Variants in SSH1 observed in about 807,000 individuals in gnomAD.
SSH1 encodes slingshot protein phosphatase 1, also known as protein phosphatase Slingshot homolog 1.
A neutral mutation model predicts 79.7 loss-of-function variants in SSH1; 43 were observed. The ratio of observed to expected loss-of-function variants is 0.54; its 90% CI spans 0.42 to 0.70. The LOEUF (loss-of-function observed/expected upper bound fraction) is 0.70. Ranked by LOEUF, SSH1 falls within the 30% of genes least tolerant of loss-of-function variation. The probability of loss-of-function intolerance (pLI) is 0.00; values close to 1 mark genes in which losing one functional copy is unlikely to be tolerated. For missense variants in SSH1, 1,206 were observed against 1,358.8 expected (o/e 0.89, Z 1.77); for synonymous variants, 599 against 538.3 (o/e 1.11, Z -1.56).
rs2036135188 is a variant in SSH1 at position 108,780,463 on chromosome 12, A to G, written c.*7525T>C. The G allele has an allele frequency of 6.6e-6, 1 of 152,250 alleles. No individual in the cohort carries two copies. The highest frequency in any genetic ancestry group is 2.1e-4 in the South Asian group (1 of 4,832). The allele number at this position is 152,250 out of a possible 1,614,324, so 9.4% of individuals were successfully genotyped here. On this transcript the variant is annotated 3_prime_UTR_variant, in exon 15 of 15. Coordinates refer to ENST00000326495, the MANE Select transcript of SSH1 (RefSeq NM_018984.4). ...TAGGGTAGTGTGGGTGTTGTCTCCA[A>G]AAAGCATGTGTGCAATGTAATTAGC...
At chr12:108,830,782 G>T (rs2038453795) in intron 2 of SSH1, among the ~76,000 whole-genome samples, 1 of 152,100 alleles carries the variant, frequency 6.6e-6, no homozygotes, top group African/African-American at 2.4e-5. Context: ...AATACGAAAT[G>T]ATGACAGTGA....
chr12:108,794,378 G>T (rs1238620082), intron 13 of SSH1, among the ~76,000 whole-genome samples: 1 of 152,206 alleles, frequency 6.6e-6, no homozygotes, highest in Non-Finnish European at 1.5e-5. Flanking sequence ...TGACTCAGAG[G>T]CTGAGTGAGG....
chr12:108,811,767 T>C (rs1249974938), intron 5 of SSH1: 1 of 257,754 alleles, frequency 3.9e-6, no homozygotes, highest in African/African-American at 2.2e-5. Flanking sequence ...TGGCTGCGGT[T>C]TTACAATCTC....
chr12:108,818,225 C>T, intron 4 of SSH1, 24 bp downstream of exon 4: 1 of 1,611,346 alleles, frequency 6.2e-7, no homozygotes, highest in Non-Finnish European at 8.5e-7. Flanking sequence ...AATTTTTTAA[C>T]TTGACATTCT....
rs3741778 is a variant in SSH1, at chr12:108,788,273, T to A, written c.2865A>T (p.Thr955=). The A allele has an allele frequency of 1.2e-6, 2 of 1,613,370 alleles. No homozygotes were observed. Among genetic ancestry groups the A allele is most frequent in the Admixed American group, 1.7e-5 (1 of 59,970 alleles). ...RGKPGLVKQR[T]QEIETRLRLA... is the part of the protein sequence containing the mutation. ...GCCGGAGCCGGGTCTCAATCTCCTG[T>A]GTCCGCTGCTTCACCAGCCCGGGCT... The change falls in exon 15 of 15, where the codon ACA becomes ACT. Residue 955 remains threonine (T), a synonymous_variant. Transcript: ENST00000326495.
Position 108,798,230 on chromosome 12 carries a change from C to T in SSH1, c.1349+770G>A, listed in dbSNP as rs190823885. On this transcript the variant is annotated intron_variant, in intron 13 of 14. Transcript: ENST00000326495. ...AAAAAGGGGTCAAGAAAATATACTA[C>T]ATCAGCAAGGCTGGTCTCGAACTCC... Among the ~76,000 whole-genome samples the T allele has an allele frequency of 4.5e-3, 688 of 152,356 alleles. 15 individuals carry two copies. Among genetic ancestry groups the T allele is most frequent in the East Asian group, 3.5e-3 (18 of 5,184 alleles).
chr12:108,800,675 C>T, intron 12 of SSH1, 105 bp downstream of exon 12: 1 of 1,307,568 alleles, frequency 7.6e-7, no homozygotes, highest in East Asian at 2.4e-5. Flanking sequence ...CGTTAGGATC[C>T]CCCCTCCCAC....
intron 6 of SSH1, 49 bp from the exon 7 acceptor site, chr12:108,809,807 C>T (rs2037484893): frequency 1.9e-6 from 3 of 1,541,336 alleles, no homozygotes; most frequent in Non-Finnish European, 9.0e-7. Flanking sequence ...GAAATCAGCG[C>T]CTTGAGTGAA....
chr12:108,806,720 C>T (rs2037295308), intron 8 of SSH1, among the ~76,000 whole-genome samples: 1 of 152,198 alleles, frequency 6.6e-6, no homozygotes, highest in African/African-American at 2.4e-5. Flanking sequence ...AGTCTCTGCT[C>T]GAACACGTGT....
chr12:108,843,222 G>T (rs1166328149), intron 2 of SSH1, among the ~76,000 whole-genome samples: 2 of 152,140 alleles, frequency 1.3e-5, no homozygotes, highest in Admixed American at 1.3e-4. Flanking sequence ...TCTTGAGACT[G>T]ATCTAACAGC....
At chr12:108,824,303 G>A (rs2038232971) in intron 2 of SSH1, among the ~76,000 whole-genome samples, 1 of 152,124 alleles carries the variant, frequency 6.6e-6, no homozygotes, top group South Asian at 2.1e-4. Flanking sequence ...AATTAGCCAG[G>A]CGTGGTGGCA....
Position 108,783,141 on chromosome 12 carries a change from C to G in SSH1, c.*4847G>C, listed in dbSNP as rs1013588831. 3 of 152,276 alleles carry G rather than the reference C, an allele frequency of 2.0e-5. No homozygotes were observed. The East Asian group carries it at 5.8e-4, about 29-fold the overall frequency. 9.4% of individuals were successfully genotyped at this position (152,276 alleles called of 1,614,324 possible). A position where few individuals can be genotyped will look rare whatever the true frequency, so the allele number is the denominator to read the frequency against. The stretch of plus-strand genomic sequence containing the variant: ...AGAGGCTGCCTGGCCTGCGCCACCC[C>G]ACGGCTGGCTAGCAGACCAAGCTAC... On this transcript the variant is annotated 3_prime_UTR_variant, in exon 15 of 15. Coordinates refer to ENST00000326495, the MANE Select transcript of SSH1 (RefSeq NM_018984.4).
At position 108,781,023 on chromosome 12, in the gene SSH1, A is replaced by G. The variant is rs944619835; in HGVS notation, c.*6965T>C. The G allele has an allele frequency of 1.3e-5, 2 of 151,662 alleles. No homozygotes were observed. Among genetic ancestry groups the G allele is most frequent in the Non-Finnish European group, 2.9e-5 (2 of 67,918 alleles). 9.4% of individuals were successfully genotyped at this position (151,662 alleles called of 1,614,324 possible). Reference sequence around the variant, plus strand: ...ATTGCACTCCAGTCTGGGCAACAAGAGCTAAACTCCATCTCAAAAGAAAAA... The same window carrying G: ...ATTGCACTCCAGTCTGGGCAACAAGGGCTAAACTCCATCTCAAAAGAAAAA... On this transcript the variant is annotated 3_prime_UTR_variant, in exon 15 of 15. Transcript: ENST00000326495.
At position 108,783,198 on chromosome 12, in the gene SSH1, T is replaced by C. The variant is rs1469503356; in HGVS notation, c.*4790A>G. 6.6e-6 allele frequency: 1 copy of C among 152,286 alleles called. No homozygotes were observed. The highest frequency in any genetic ancestry group is 1.5e-5 in the Non-Finnish European group (1 of 68,060). The allele number at this position is 152,286 out of a possible 1,614,324, so 9.4% of individuals were successfully genotyped here. ...TCATTGGCTCCTATGGGACACAGCA[T>C]GGGCCAATGCCTGCCTGGCCTGCAG... On this transcript the variant is annotated 3_prime_UTR_variant, in exon 15 of 15. Coordinates refer to ENST00000326495, the MANE Select transcript of SSH1 (RefSeq NM_018984.4).
chr12:108,814,782 G>C (rs1229296491), intron 5 of SSH1, among the ~76,000 whole-genome samples: 2 of 152,242 alleles, frequency 1.3e-5, no homozygotes, highest in African/African-American at 4.8e-5. Flanking sequence ...GGGAACCACA[G>C]GGAGAGGGAC....
intron 14 of SSH1, 56 bp downstream of exon 14, chr12:108,792,230 T>C: frequency 1.2e-6 from 2 of 1,613,708 alleles, no homozygotes; most frequent in Non-Finnish European, 1.7e-6. Context: ...GGTAGGCCAA[T>C]TAGAGTGGGA....
intron 13 of SSH1, 140 bp downstream of exon 13, chr12:108,798,859 CT>C (rs1307789248): frequency 6.5e-5 from 60 of 922,874 alleles, no homozygotes; most frequent in Non-Finnish European, 5.3e-5. Context: ...CTGGCTCCCC[CT>C]GAGAGGCAGG....
chr12:108,808,060 C>G (rs1466837953), intron 7 of SSH1, among the ~76,000 whole-genome samples: 2 of 152,158 alleles, frequency 1.3e-5, no homozygotes, highest in African/African-American at 4.8e-5. Flanking sequence ...GCATCAGCCT[C>G]CCGAGCAGCT....
intron 1 of SSH1, among the ~76,000 whole-genome samples, chr12:108,856,294 G>A (rs977983810): frequency 3.3e-5 from 5 of 152,256 alleles, no homozygotes; most frequent in African/African-American, 1.2e-4. Context: ...CCTGCTCAGA[G>A]GCCCAAGGCC....
Sources: allele counts gnomAD v4.1 joint callset (sites outside exome capture counted in the v4.1 genomes callset), GRCh38; gene constraint gnomAD v4.1.1; transcripts MANE v1.5; gene names NCBI Gene and HGNC (gene_info 2026-07-23, HGNC 2026-07-21).